RSRC1: variants seen among roughly 807,000 people sequenced by gnomAD.
RSRC1 encodes serine/Arginine-related protein 53.
In RSRC1, 39 loss-of-function variants were observed where a neutral mutation model predicts 49.1. The ratio of observed to expected loss-of-function variants is 0.79; its 90% CI spans 0.61 to 1.04. The LOEUF (loss-of-function observed/expected upper bound fraction) is 1.04, where lower values mean the gene tolerates loss of function less well. RSRC1 is among the 50% of genes least tolerant of loss of function. RSRC1 has a pLI of 0.00. For synonymous variants in RSRC1, 143 were observed against 130.8 expected, an observed-to-expected ratio of 1.09 and a Z score of -0.63; for missense variants, 388 against 402.4, an observed-to-expected ratio of 0.96 and a Z score of 0.31.
chr3:158,421,284 A>G lies in RSRC1; in HGVS notation c.584-39651A>G, dbSNP rs1397847062. ...TAGGTGATTCGTGGCCTTATAAGCC[A>G]TGATAATTTTGAGGTTTTGCTTTTT... On this transcript the variant is annotated intron_variant, in intron 6 of 9. Coordinates refer to ENST00000611884, the MANE Select transcript of RSRC1 (RefSeq NM_001271838.2). Among the ~76,000 whole-genome samples, 3 of 152,044 alleles carry G rather than the reference A, an allele frequency of 2.0e-5. No homozygotes were observed. The East Asian group carries it at 5.8e-4, about 30-fold the overall frequency.
At chr3:158,296,142 T>C (rs1727226498) in intron 4 of RSRC1, among the ~76,000 whole-genome samples, 1 of 152,132 alleles carries the variant, frequency 6.6e-6, no homozygotes, top group Non-Finnish European at 1.5e-5. Context: ...TCGTTCTTTA[T>C]ATATTGCAAT....
chr3:158,285,865 C>T (rs1010750539), intron 4 of RSRC1, among the ~76,000 whole-genome samples: 5 of 152,148 alleles, frequency 3.3e-5, no homozygotes, highest in Admixed American at 6.5e-5. Context: ...TCCTCTTTTC[C>T]TAATTGAATA....
intron 3 of RSRC1, among the ~76,000 whole-genome samples, chr3:158,155,085 C>T (rs1300221746): frequency 6.6e-6 from 1 of 152,144 alleles, no homozygotes; most frequent in African/African-American, 2.4e-5. Flanking sequence ...TCCTCACAGT[C>T]ACACATAAGG....
chr3:158,425,022 A>G (rs1191867910), intron 6 of RSRC1, among the ~76,000 whole-genome samples: 2 of 151,122 alleles, frequency 1.3e-5, no homozygotes, highest in Non-Finnish European at 3.0e-5. Context: ...GATCCTTTCA[A>G]AAAACCAGCT....
chr3:158,196,058 G>T (rs1295682755), intron 3 of RSRC1, among the ~76,000 whole-genome samples: 1 of 152,098 alleles, frequency 6.6e-6, no homozygotes, highest in East Asian at 1.9e-4. Flanking sequence ...ACTTGATGGG[G>T]ATGGCATTGA....
intron 6 of RSRC1, among the ~76,000 whole-genome samples, chr3:158,371,801 C>T (rs1732094530): frequency 6.6e-6 from 1 of 151,846 alleles, no homozygotes; most frequent in Admixed American, 6.6e-5. Flanking sequence ...AGTGGCTGAA[C>T]CATATTTTGC....
At chr3:158,529,214 G>GTATATATATA (rs10596761) in intron 7 of RSRC1, among the ~76,000 whole-genome samples, 16 of 143,118 alleles carry the variant, frequency 1.1e-4, no homozygotes, top group African/African-American at 3.7e-4. Flanking sequence ...ATGTGTGTGT[G>GTATATATATA]TATATATATA....
intron 3 of RSRC1, among the ~76,000 whole-genome samples, chr3:158,159,705 T>C (rs112817040): frequency 1.2e-3 from 177 of 152,268 alleles, no homozygotes; most frequent in African/African-American, 4.2e-3. Context: ...TAGAGCTCAC[T>C]AAATGATTAT....
At chr3:158,353,997 T>TTTC (rs1553791531) in intron 5 of RSRC1, among the ~76,000 whole-genome samples, 1 of 137,696 alleles carries the variant, frequency 7.3e-6, no homozygotes, top group East Asian at 2.0e-4. Context: ...TTCTTTTTCT[T>TTTC]TTTTTTTTTT....
intron 5 of RSRC1, among the ~76,000 whole-genome samples, chr3:158,326,138 A>G (rs1218474666): frequency 1.3e-5 from 2 of 152,142 alleles, no homozygotes; most frequent in Non-Finnish European, 1.5e-5. Flanking sequence ...GGCTGAGACG[A>G]TGGGGTTTTC....
chr3:158,456,461 T>C (rs1223240515), intron 6 of RSRC1, among the ~76,000 whole-genome samples: 1 of 152,170 alleles, frequency 6.6e-6, no homozygotes, highest in Non-Finnish European at 1.5e-5. Context: ...AAGTAAACAC[T>C]GACAATTTCT....
At chr3:158,306,568 A>C (rs920286303) in intron 5 of RSRC1, among the ~76,000 whole-genome samples, 1 of 151,944 alleles carries the variant, frequency 6.6e-6, no homozygotes, top group African/African-American at 2.4e-5. Context: ...CTTATGATAA[A>C]TTTATTATAA....
At chr3:158,307,085 A>G (rs1360236610) in intron 5 of RSRC1, among the ~76,000 whole-genome samples, 2 of 151,600 alleles carry the variant, frequency 1.3e-5, no homozygotes, top group Non-Finnish European at 3.0e-5. Context: ...TTGAGCTTCC[A>G]GTGGAATCAT....
chr3:158,348,701 T>C (rs1520657), intron 5 of RSRC1, among the ~76,000 whole-genome samples: 143,935 of 152,116 alleles, frequency 0.95, 68,202 homozygotes, highest in East Asian at 1. Flanking sequence ...GACATTGTAC[T>C]CAGTAGGTAA....
At chr3:158,393,617 G>A (rs1488732040) in intron 6 of RSRC1, among the ~76,000 whole-genome samples, 9 of 151,954 alleles carry the variant, frequency 5.9e-5, no homozygotes, top group African/African-American at 9.6e-5. Context: ...GAATCAGGAA[G>A]AAATAGAATC....
At chr3:158,495,224 C>A (rs1739268606) in intron 7 of RSRC1, among the ~76,000 whole-genome samples, 1 of 152,088 alleles carries the variant, frequency 6.6e-6, no homozygotes, top group Admixed American at 6.5e-5. Flanking sequence ...ACATAATTTT[C>A]TTCATATAAA....
At chr3:158,478,521 C>T (rs1161290644) in intron 7 of RSRC1, among the ~76,000 whole-genome samples, 1 of 149,680 alleles carries the variant, frequency 6.7e-6, no homozygotes, top group Non-Finnish European at 1.5e-5. Context: ...TCCTCTCCCC[C>T]CAAATTAAGT....
chr3:158,363,337 C>T (rs933634097), intron 6 of RSRC1, among the ~76,000 whole-genome samples: 12 of 151,072 alleles, frequency 7.9e-5, no homozygotes, highest in African/African-American at 2.4e-4. Context: ...AAGCTCGGCT[C>T]ACCACGTCCT....
At chr3:158,358,347 C>T (rs1731271325) in intron 6 of RSRC1, among the ~76,000 whole-genome samples, 2 of 152,124 alleles carry the variant, frequency 1.3e-5, no homozygotes, top group African/African-American at 4.8e-5. Flanking sequence ...TTTATTGTCT[C>T]TCCCACTGCC....
Sources: gnomAD v4.1 joint callset for allele counts (sites outside exome capture counted in the v4.1 genomes callset) on GRCh38, gnomAD v4.1.1 for gene constraint, MANE v1.5 for transcripts, NCBI Gene and HGNC (gene_info 2026-07-23, HGNC 2026-07-21) for gene names.